Variants in CLIP1 observed in about 807,000 individuals in gnomAD.
CLIP1 encodes the protein CAP-Gly domain containing linker protein 1.
Under a neutral mutation model 161.6 loss-of-function variants are expected in CLIP1, and 66 were observed. The observed-to-expected ratio is 0.41, with a 90% CI of 0.33 to 0.50. The LOEUF (loss-of-function observed/expected upper bound fraction) is 0.50. CLIP1 is among the 20% of genes least tolerant of loss of function. The pLI is 0.27. For synonymous variants in CLIP1, 598 were observed against 626.2 expected (o/e 0.96, Z 0.67); for missense variants, 1,376 against 1,702.0 (o/e 0.81, Z 3.37).
At chr12:122,386,703 T>A (rs1036791504) in intron 1 of CLIP1, among the ~76,000 whole-genome samples, 2 of 151,562 alleles carry the variant, frequency 1.3e-5, no homozygotes, top group Admixed American at 6.6e-5. Flanking sequence ...ACGATTTTTT[T>A]AAAAAATGAG....
chr12:122,324,855 C>T (rs1182266716), intron 17 of CLIP1, among the ~76,000 whole-genome samples: 1 of 152,146 alleles, frequency 6.6e-6, no homozygotes, highest in African/African-American at 2.4e-5. Flanking sequence ...TCCAAACTCA[C>T]CACAGGACCT....
chr12:122,276,666 A>C (rs1955441413), intron 24 of CLIP1: 1 of 331,412 alleles, frequency 3.0e-6, no homozygotes, highest in African/African-American at 2.2e-5. Flanking sequence ...TAAATATAAA[A>C]TGTGGCTTTT....
intron 2 of CLIP1, among the ~76,000 whole-genome samples, chr12:122,379,307 CAAA>C (rs61498384): frequency 8.5e-6 from 1 of 117,058 alleles, no homozygotes; most frequent in African/African-American, 3.3e-5. Context: ...TACAGCATCT[CAAA>C]AAAAAAAAAA....
chr12:122,308,876 C>G (rs147322551), intron 20 of CLIP1, among the ~76,000 whole-genome samples: 1 of 152,312 alleles, frequency 6.6e-6, no homozygotes, highest in Non-Finnish European at 1.5e-5. Flanking sequence ...TGCACCATGT[C>G]AATGGGTACT....
intron 3 of CLIP1, among the ~76,000 whole-genome samples, chr12:122,372,964 T>C (rs933873358): frequency 7.2e-5 from 11 of 152,088 alleles, no homozygotes; most frequent in African/African-American, 2.7e-4. Context: ...AAGTCACCGA[T>C]AAGAGGATTG....
intron 9 of CLIP1, among the ~76,000 whole-genome samples, chr12:122,348,563 G>A (rs748210599): frequency 7.2e-5 from 11 of 152,162 alleles, no homozygotes; most frequent in Admixed American, 6.5e-5. Flanking sequence ...AGGGAACCCA[G>A]AGGATAATCT....
intron 20 of CLIP1, among the ~76,000 whole-genome samples, chr12:122,302,451 T>G (rs976470902): frequency 2.0e-4 from 31 of 152,184 alleles, no homozygotes; most frequent in Admixed American, 9.8e-4. Context: ...GTATTTTTTT[T>G]GGGGTGTCTA....
At chr12:122,327,517 T>C (rs912881004) in intron 17 of CLIP1, among the ~76,000 whole-genome samples, 3 of 152,092 alleles carry the variant, frequency 2.0e-5, no homozygotes, top group Non-Finnish European at 2.9e-5. Context: ...AGGCTCTCTC[T>C]AGTCCTGATT....
intron 1 of CLIP1, among the ~76,000 whole-genome samples, chr12:122,412,060 CT>C (rs71082989): frequency 0.48 from 38,915 of 81,578 alleles, 8,901 homozygotes; most frequent in Non-Finnish European, 0.59. Context: ...CAGTTATTTT[CT>C]TTTTTTTTTT....
intron 20 of CLIP1, among the ~76,000 whole-genome samples, chr12:122,292,534 A>C (rs934631061): frequency 1.3e-5 from 2 of 152,256 alleles, no homozygotes; most frequent in African/African-American, 4.8e-5. Context: ...TTTCCGTCCC[A>C]GCCCTGGCAT....
At chr12:122,287,355 C>T (rs767045158) in intron 21 of CLIP1, among the ~76,000 whole-genome samples, 8 of 152,130 alleles carry the variant, frequency 5.3e-5, no homozygotes, top group Non-Finnish European at 8.8e-5. Flanking sequence ...TTCAGTAGGT[C>T]GGTGGGGAAA....
chr12:122,401,997 CAA>C (rs34319226), intron 1 of CLIP1, among the ~76,000 whole-genome samples: 1 of 116,102 alleles, frequency 8.6e-6, no homozygotes, highest in Non-Finnish European at 1.9e-5. Flanking sequence ...AACTCCCGCT[CAA>C]AAAAAAAAAA....
At chr12:122,295,763 T>C (rs989223592) in intron 20 of CLIP1, among the ~76,000 whole-genome samples, 4 of 152,256 alleles carry the variant, frequency 2.6e-5, no homozygotes, top group Non-Finnish European at 4.4e-5. Context: ...ATTCTGTCAG[T>C]TTTTGCTTCA....
chr12:122,404,905 A>C lies in CLIP1; in HGVS notation c.-107+17616T>G, dbSNP rs570784781. Among the ~76,000 whole-genome samples the C allele has an allele frequency of 1.6e-3, 245 of 149,950 alleles. 2 individuals are homozygous for C. The highest frequency in any genetic ancestry group is 5.1e-3 in the African/African-American group (206 of 40,474). On this transcript the variant is annotated intron_variant, in intron 1 of 25. Coordinates refer to ENST00000620786, the MANE Select transcript of CLIP1 (RefSeq NM_001247997.2). ...ACAGAGCGAGACTCCATCTCAAAAA[A>C]AAAAAACAAAACAAAAAAAAACCAA...
intron 1 of CLIP1, among the ~76,000 whole-genome samples, chr12:122,419,854 T>TGAGGCAGGCAG (rs1956877663): frequency 6.9e-6 from 1 of 144,242 alleles, no homozygotes; most frequent in Admixed American, 7.5e-5. Context: ...GAGAATTGCT[T>TGAGGCAGGCAG]GAGCCTGGGA....
intron 18 of CLIP1, 70 bp downstream of exon 18, chr12:122,319,162 G>C (rs1020620523): frequency 3.8e-6 from 4 of 1,048,770 alleles, no homozygotes; most frequent in East Asian, 2.4e-5. Flanking sequence ...GCAATCCTGA[G>C]TCAGTGACCA....
At chr12:122,362,696 T>C (rs1166908977) in intron 4 of CLIP1, among the ~76,000 whole-genome samples, 2 of 110,806 alleles carry the variant, frequency 1.8e-5, no homozygotes, top group Non-Finnish European at 3.6e-5. Context: ...TTAATATCTG[T>C]TTCAATAAAA....
intron 20 of CLIP1, among the ~76,000 whole-genome samples, chr12:122,294,338 A>AAC (rs1555257826): frequency 1.4e-5 from 2 of 142,758 alleles, no homozygotes; most frequent in South Asian, 2.2e-4. Flanking sequence ...CAAAAAAAAA[A>AAC]AAAAACAAAA....
At chr12:122,291,214 G>C (rs1300343566) in intron 20 of CLIP1, among the ~76,000 whole-genome samples, 1 of 149,378 alleles carries the variant, frequency 6.7e-6, no homozygotes, top group Non-Finnish European at 1.5e-5. Flanking sequence ...TTTTGAGACA[G>C]AGTCTCACTC....
Sources: allele counts gnomAD v4.1 joint callset (sites outside exome capture counted in the v4.1 genomes callset), GRCh38; gene constraint gnomAD v4.1.1; transcripts MANE v1.5; gene names NCBI Gene and HGNC (gene_info 2026-07-23, HGNC 2026-07-21).